Variants in PEX12 observed in about 807,000 individuals in gnomAD.
PEX12 encodes the protein peroxisome assembly protein 12.
Under a neutral mutation model 32.5 loss-of-function variants are expected in PEX12, and 31 were observed. The ratio of observed to expected loss-of-function variants is 0.95; its 90% confidence interval spans 0.72 to 1.29. The LOEUF (loss-of-function observed/expected upper bound fraction) is 1.29. Among genes scored for constraint, PEX12 ranks in the 50% most tolerant of loss-of-function variants. The pLI, the probability that PEX12 is intolerant of heterozygous loss-of-function variation, is 0.00. For synonymous variants in PEX12, 148 were observed against 157.2 expected (o/e 0.94, Z 0.44); for missense variants, 359 against 419.0 (o/e 0.86, Z 1.25).
rs2142230649 is a variant in PEX12, at chr17:35,577,233, G to C, written c.485C>G (p.Ala162Gly). 1 of 1,614,208 alleles carries C rather than the reference G, an allele frequency of 6.2e-7. No homozygotes were observed. The highest frequency in any genetic ancestry group is 1.6e-4 in the Middle Eastern group (1 of 6,062). The change falls in exon 2 of 3, where the codon GCC becomes GGC. Residue 162 changes from alanine (A) to glycine (G), a missense_variant. Coordinates refer to ENST00000225873, the MANE Select transcript of PEX12 (RefSeq NM_000286.3). Reference sequence around the variant, plus strand: ...CCAGGCCATGTTCACAAATGGGTAGGCTGCCAGGAAAGCTCTGTAAAATCG... The same window carrying C: ...CCAGGCCATGTTCACAAATGGGTAGCCTGCCAGGAAAGCTCTGTAAAATCG... ...WKRFYRAFLA[A>G]YPFVNMAWEG...
rs2072798005 is a variant in PEX12, at chr17:35,578,016, AGC to A, written c.4_5del (p.Ala2Ter). 1.2e-6 allele frequency: 2 copies of A among 1,614,166 alleles called. No individual in the cohort carries two copies. The highest frequency in any genetic ancestry group is 2.7e-5 in the African/African-American group (2 of 75,050). On this transcript the variant is annotated frameshift_variant, in exon 1 of 3. Coordinates refer to ENST00000225873, the MANE Select transcript of PEX12 (RefSeq NM_000286.3). LOFTEE classifies it high-confidence loss of function. M[A>X]EHGAHFTAAS... ...CAGCTGTGAAGTGAGCCCCGTGCTC[AGC>A]CATAGTTTCCTGCGTGTACTGGCTT... is the stretch of plus-strand genomic sequence containing the variant.
chr17:35,578,391 G>A lies in PEX12; in HGVS notation c.-370C>T. ...AACGCCCCCTCCTCCCCAATCGTGA[G>A]AGCTCAAAAGCCAGCCGACTCTGAG... On this transcript the variant is annotated 5_prime_UTR_variant, in exon 1 of 3. Transcript: ENST00000225873. 1 of 345,242 alleles carries A rather than the reference G, an allele frequency of 2.9e-6. No individual in the cohort carries two copies. The allele number at this position is 345,242 out of a possible 1,614,324, so 21.4% of individuals were successfully genotyped here. A position where few individuals can be genotyped will look rare whatever the true frequency, so the allele number is the denominator to read the frequency against.
chr17:35,577,721 TG>T, intron 1 of PEX12, 130 bp from the exon 2 acceptor site: 1 of 1,269,264 alleles, frequency 7.9e-7, no homozygotes, highest in Non-Finnish European at 1.1e-6. Flanking sequence ...CCTGAAATGC[TG>T]GGTATTCAGT....
chr17:35,576,215 G>C lies in PEX12; in HGVS notation c.681-34C>G, dbSNP rs757399505. On this transcript the variant is annotated intron_variant, in intron 2 of 2. Transcript: ENST00000225873. The stretch of plus-strand genomic sequence containing the variant: ...AGAAAAGAACAAGGAGGCAAAGAGA[G>C]AAACTTTATTTAGGTATCATTACAA... 6.2e-6 allele frequency: 10 copies of C among 1,605,396 alleles called. No homozygotes were observed. The South Asian group carries it at 9.9e-5, about 16-fold the overall frequency.
At chr17:35,577,804 A>G in intron 1 of PEX12, 92 bp downstream of exon 1, 1 of 1,570,492 alleles carries the variant, frequency 6.4e-7, no homozygotes, top group Non-Finnish European at 8.7e-7. Context: ...CAAATTGGCT[A>G]TTTCAAACGC....
Position 35,575,733 on chromosome 17 carries a change from G to T in PEX12, c.*49C>A. ...AATACCATGCTGAAACCAGCTCTGT[G>T]ACATTACAGCGCAATACTTTTGTTG... On this transcript the variant is annotated 3_prime_UTR_variant, in exon 3 of 3. Coordinates refer to ENST00000225873, the MANE Select transcript of PEX12 (RefSeq NM_000286.3). 1 of 1,560,390 alleles carries T rather than the reference G, an allele frequency of 6.4e-7. No homozygotes were observed. Among genetic ancestry groups the T allele is most frequent in the Non-Finnish European group, 8.8e-7 (1 of 1,131,260 alleles).
chr17:35,578,539 G>A lies in PEX12; in HGVS notation c.-518C>T, dbSNP rs1344944006. The A allele has an allele frequency of 1.8e-5, 4 of 225,632 alleles. No homozygotes were observed. The highest frequency in any genetic ancestry group is 6.8e-5 in the African/African-American group (3 of 44,018). The allele number at this position is 225,632 out of a possible 1,614,324, so 14.0% of individuals were successfully genotyped here. A position where few individuals can be genotyped will look rare whatever the true frequency, so the allele number is the denominator to read the frequency against. ...AGGCGAGGCGCAAACAACCCACGAC[G>A]CCACGTTTGAAGGGAGGTCTCCGCT... On this transcript the variant is annotated 5_prime_UTR_variant, in exon 1 of 3. Transcript: ENST00000225873.
At position 35,577,536 on chromosome 17, in the gene PEX12, T is replaced by G. The variant is rs754484547; in HGVS notation, c.182A>C (p.Glu61Ala). 5.0e-6 allele frequency: 8 copies of G among 1,613,720 alleles called. No homozygotes were observed. In the East Asian group the frequency reaches 1.8e-4, roughly 36 times the overall value. ...HYGFLWRWFD[E>A]IFTLLDLLLQ... ...CAGAAGATCTAGCAGAGTAAAGATT[T>G]CATCAAACCACCTCCACAAGAAGCC... is the stretch of plus-strand genomic sequence containing the variant. The change falls in exon 2 of 3, where the codon GAA (glutamate) becomes GCA (alanine). Residue 61 changes from glutamate (E) to alanine (A), a missense_variant. Glu to Ala is a moderately radical substitution (Grantham distance 107, BLOSUM62 -1). Coordinates refer to ENST00000225873, the MANE Select transcript of PEX12 (RefSeq NM_000286.3).
Position 35,577,211 on chromosome 17 carries a change from G to C in PEX12, c.507C>G (p.Ala169=). ...FLAAYPFVNM[A]WEGWFLVQQL... is the part of the protein sequence containing the mutation. ...GTTGTACAAGAAACCATCCTTCCCA[G>C]GCCATGTTCACAAATGGGTAGGCTG... Residue 169 remains alanine, a synonymous_variant, in exon 2 of 3, where the codon GCC becomes GCG. Transcript: ENST00000225873. The C allele has an allele frequency of 1.2e-6, 2 of 1,614,106 alleles. No homozygotes were observed. The highest frequency in any genetic ancestry group is 1.7e-6 in the Non-Finnish European group (2 of 1,180,028).
intron 2 of PEX12, among the ~76,000 whole-genome samples, chr17:35,576,753 CTG>C (rs1161808536): frequency 6.6e-6 from 1 of 152,144 alleles, no homozygotes; most frequent in East Asian, 1.9e-4. Flanking sequence ...GTTTCCTCAA[CTG>C]TGAGCTAATA....
Position 35,577,368 on chromosome 17 carries a change from A to C in PEX12, c.350T>G (p.Ile117Ser). ...GLPKQQLWKS[I>S]MFLVLLPYLK... ...ATAGGGAAGAAGAACCAGGAACATA[A>C]TAGATTTCCAAAGCTGCTGCTTTGG... Residue 117 changes from isoleucine to serine, a missense_variant, in exon 2 of 3, where the codon ATT (isoleucine) becomes AGT (serine). By Grantham distance (142) the Ile-to-Ser change is moderately radical. Transcript: ENST00000225873. 1 of 1,614,160 alleles carries C rather than the reference A, an allele frequency of 6.2e-7. No individual in the cohort carries two copies. The highest frequency in any genetic ancestry group is 8.5e-7 in the Non-Finnish European group (1 of 1,180,020).
Position 35,578,330 on chromosome 17 carries a change from G to A in PEX12, c.-309C>T, listed in dbSNP as rs1203780794. The A allele has an allele frequency of 1.1e-5, 4 of 372,882 alleles. No homozygotes were observed. The highest frequency in any genetic ancestry group is 6.8e-5 in the East Asian group (1 of 14,690). The allele number at this position is 372,882 out of a possible 1,614,324, so 23.1% of individuals were successfully genotyped here. A position where few individuals can be genotyped will look rare whatever the true frequency, so the allele number is the denominator to read the frequency against. On this transcript the variant is annotated 5_prime_UTR_variant, in exon 1 of 3. Transcript: ENST00000225873. ...GCGTGACTGTGGGGGACAGGTATGG[G>A]GGAAGGAACGCAATCCTCTGGAGCT...
Position 35,577,094 on chromosome 17 carries a change from T to A in PEX12, c.624A>T (p.Ile208=), listed in dbSNP as rs540401635. 6.2e-7 allele frequency: 1 copy of A among 1,614,170 alleles called. No individual in the cohort carries two copies. Among genetic ancestry groups the A allele is most frequent in the African/African-American group, 1.3e-5 (1 of 75,052 alleles). The change falls in exon 2 of 3, where the codon ATA becomes ATT. Residue 208 remains isoleucine, a synonymous_variant. Coordinates refer to ENST00000225873, the MANE Select transcript of PEX12 (RefSeq NM_000286.3). ...VQLGRLTVQD[I]QALEHKPAKA... ...TAGCTGGTTTGTGCTCCAGAGCTTG[T>A]ATATCCTGAACTGTCAGTCGACCTA...
rs770235047 is a variant in PEX12, at chr17:35,578,303, G to C, written c.-282C>G. 2 of 402,536 alleles carry C rather than the reference G, an allele frequency of 5.0e-6. No homozygotes were observed. Among genetic ancestry groups the C allele is most frequent in the African/African-American group, 4.1e-5 (2 of 48,360 alleles). The allele number at this position is 402,536 out of a possible 1,614,324, so 24.9% of individuals were successfully genotyped here. On this transcript the variant is annotated 5_prime_UTR_variant, in exon 1 of 3. Transcript: ENST00000225873. ...TTGTCAAATGCTGCACGTCAGGGCA[G>C]AGCGTGACTGTGGGGGACAGGTATG...
Position 35,576,099 on chromosome 17 carries a change from C to G in PEX12, c.763G>C (p.Val255Leu). The change falls in exon 3 of 3, where the codon GTA (valine) becomes CTA (leucine). Residue 255 changes from valine (V) to leucine (L), a missense_variant. Physicochemically the swap from Val to Leu is conservative, Grantham distance 32. Coordinates refer to ENST00000225873, the MANE Select transcript of PEX12 (RefSeq NM_000286.3). ...CAGTCAAGGAACTGCAAGAAGAATA[C>G]ACCCACAGAAAGGCCAGTAGACAGG... ...LSLSTGLSVG[V>L]FFLQFLDWWY... is the part of the protein sequence containing the mutation. 6.2e-7 allele frequency: 1 copy of G among 1,614,126 alleles called. No homozygotes were observed. Among genetic ancestry groups the G allele is most frequent in the Non-Finnish European group, 8.5e-7 (1 of 1,180,000 alleles).
At chr17:35,576,502 AC>A (rs202063700) in intron 2 of PEX12, among the ~76,000 whole-genome samples, 18,669 of 147,598 alleles carry the variant, frequency 0.13, 1,493 homozygotes, top group South Asian at 0.24. Flanking sequence ...AAAAAAAAAA[AC>A]CCAATTCACT....
chr17:35,577,321 G>A lies in PEX12; in HGVS notation c.397C>T (p.Leu133=). 1.9e-6 allele frequency: 3 copies of A among 1,614,200 alleles called. No individual in the cohort carries two copies. The highest frequency in any genetic ancestry group is 2.5e-6 in the Non-Finnish European group (3 of 1,180,036). The stretch of plus-strand genomic sequence containing the variant: ...TCCTCTTCTCTCAGGCTAGAAACCA[G>A]CTTCTCCAGCTTCACTTTCAGATAG... ...LPYLKVKLEK[L]VSSLREEDEY... Residue 133 remains leucine, a synonymous_variant, in exon 2 of 3, where the codon CTG becomes TTG. Coordinates refer to ENST00000225873, the MANE Select transcript of PEX12 (RefSeq NM_000286.3).
Position 35,577,549 on chromosome 17 carries a change from TCCA to T in PEX12, c.166_168del (p.Trp56del). The T allele has an allele frequency of 1.9e-6, 3 of 1,613,452 alleles. No individual in the cohort carries two copies. The highest frequency in any genetic ancestry group is 2.5e-6 in the Non-Finnish European group (3 of 1,180,010). On this transcript the variant is annotated inframe_deletion, in exon 2 of 3. Coordinates refer to ENST00000225873, the MANE Select transcript of PEX12 (RefSeq NM_000286.3). ...AGAGTAAAGATTTCATCAAACCACC[TCCA>T]CAAGAAGCCATAGTGGGTGGGATTT...
chr17:35,576,266 A>C, intron 2 of PEX12, 85 bp from the exon 3 acceptor site: 1 of 1,311,678 alleles, frequency 7.6e-7, no homozygotes, highest in Non-Finnish European at 1.1e-6. Flanking sequence ...TGCAATTCTT[A>C]CATTTTTCAT....
Sources: gnomAD v4.1 joint callset for allele counts (sites outside exome capture counted in the v4.1 genomes callset) on GRCh38, gnomAD v4.1.1 for gene constraint, MANE v1.5 for transcripts, NCBI Gene and HGNC (gene_info 2026-07-23, HGNC 2026-07-21) for gene names.